The following DSTYK variants were observed in gnomAD, a reference collection of about 807,000 sequenced individuals.
The protein encoded by DSTYK is dual serine/threonine and tyrosine protein kinase.
DSTYK carries 34 observed loss-of-function variants against 98.7 expected under a neutral mutation model. The ratio of observed to expected loss-of-function variants is 0.34; its 90% CI spans 0.26 to 0.46. DSTYK has a LOEUF of 0.46. Ranked by LOEUF, DSTYK falls within the 20% of genes least tolerant of loss-of-function variation. The pLI is 1.00. For synonymous variants in DSTYK, 462 were observed against 457.3 expected (o/e 1.01, Z -0.13); for missense variants, 962 against 1,181.7 (o/e 0.81, Z 2.73).
chr1:205,157,408 A>G, intron 9 of DSTYK, 22 bp from the exon 10 acceptor site: 1 of 1,599,762 alleles, frequency 6.3e-7, no homozygotes. Flanking sequence ...AAAAGAGCTT[A>G]CTTGTCATGA....
intron 9 of DSTYK, among the ~76,000 whole-genome samples, chr1:205,159,094 T>C (rs146311408): frequency 6.6e-6 from 1 of 152,100 alleles, no homozygotes; most frequent in East Asian, 1.9e-4. Context: ...AAAATTTTTT[T>C]TTTTTATTTT....
chr1:205,159,907 T>C, intron 8 of DSTYK: 1 of 793,032 alleles, frequency 1.3e-6, no homozygotes, highest in Admixed American at 2.8e-5. Flanking sequence ...AAGAAGAAAG[T>C]TAAATGGAAT....
At chr1:205,200,959 G>A (rs963836534) in intron 1 of DSTYK, among the ~76,000 whole-genome samples, 2 of 151,834 alleles carry the variant, frequency 1.3e-5, no homozygotes, top group Non-Finnish European at 2.9e-5. Flanking sequence ...AGGCTGGAGT[G>A]CAATGGTGCA....
intron 2 of DSTYK, among the ~76,000 whole-genome samples, chr1:205,181,655 T>TG (rs1491523137): frequency 0.37 from 41,449 of 112,356 alleles, 7,424 homozygotes; most frequent in Non-Finnish European, 0.47. Context: ...GATGTTGGGG[T>TG]TTGTGTGTGT....
chr1:205,202,953 T>C (rs1659085965), intron 1 of DSTYK, among the ~76,000 whole-genome samples: 2 of 152,226 alleles, frequency 1.3e-5, no homozygotes, highest in South Asian at 4.2e-4. Flanking sequence ...TGGAGAAAGA[T>C]TCCCTGTTCT....
In DSTYK at chr1:205,211,486, C is replaced by G; in HGVS notation, c.50G>C (p.Gly17Ala). The change falls in exon 1 of 13, where the codon GGC (glycine) becomes GCC (alanine). Residue 17 changes from glycine to alanine, a missense_variant. Physicochemically the swap from Gly to Ala is moderately conservative, Grantham distance 60 (BLOSUM62 0). This residue lies in a region of DSTYK where 168 missense variants were observed against 120.0 expected (regional missense o/e 1.40). Transcript: ENST00000367162. Reference sequence around the variant, plus strand: ...GCGGATCATTCCGCCGCCGCCGGGGCCGGGACCCGAGACGGGCTCGCTGCC... The same window carrying G: ...GCGGATCATTCCGCCGCCGCCGGGGGCGGGACCCGAGACGGGCTCGCTGCC... ...PWGSEPVSGP[G>A]PGGGGMIREL... The G allele has an allele frequency of 6.3e-7, 1 of 1,582,878 alleles. No homozygotes were observed. The highest frequency in any genetic ancestry group is 1.1e-5 in the South Asian group (1 of 88,214).
At chr1:205,151,120 G>C (rs1315884053) in intron 10 of DSTYK, among the ~76,000 whole-genome samples, 5 of 152,174 alleles carry the variant, frequency 3.3e-5, no homozygotes. Context: ...AAAAGGTACA[G>C]TAAGAATATG....
At position 205,148,161 on chromosome 1, in the gene DSTYK, G is replaced by A. The variant is rs139452542; in HGVS notation, c.2602+44C>T. On this transcript the variant is annotated intron_variant, in intron 12 of 12. Transcript: ENST00000367162. ...GTGACATTGCCTGGGCTCAGTCTGCGCTAGCCAGGGGAGTTAGGACAAGGT... is the reference window on the plus strand; with the variant it reads ...GTGACATTGCCTGGGCTCAGTCTGCACTAGCCAGGGGAGTTAGGACAAGGT... The A allele has an allele frequency of 4.9e-4, 795 of 1,612,196 alleles. 7 individuals carry two copies. The East Asian group carries it at 0.014, about 29-fold the overall frequency.
rs746974333 is a variant in DSTYK at position 205,211,500 on chromosome 1, G to T, written c.36C>A (p.Pro12=). 59 of 1,574,252 alleles carry T rather than the reference G, an allele frequency of 3.7e-5. No individual in the cohort carries two copies. Among genetic ancestry groups the T allele is most frequent in the Middle Eastern group, 1.7e-4 (1 of 5,816 alleles). Residue 12 remains proline (P), a synonymous_variant, in exon 1 of 13, where the codon CCC becomes CCA. Transcript: ENST00000367162. ...CGCCGCCGGGGCCGGGACCCGAGAC[G>T]GGCTCGCTGCCCCATGGCACCCCGT... ...EGDGVPWGSE[P]VSGPGPGGGG... is the part of the protein sequence containing the mutation.
intron 2 of DSTYK, chr1:205,172,956 C>G (rs1179723593): frequency 1.3e-5 from 2 of 152,140 alleles, no homozygotes; most frequent in African/African-American, 4.8e-5. Flanking sequence ...GTCACACATG[C>G]TACAGTATGA....
Position 205,147,413 on chromosome 1 carries a change from C to A in DSTYK, c.*145G>T. 1.2e-6 allele frequency: 1 copy of A among 840,240 alleles called. No individual in the cohort carries two copies. The allele number at this position is 840,240 out of a possible 1,614,324, so 52.0% of individuals were successfully genotyped here. ...ACTCTTCACTGTCCAGGAGTCATCC[C>A]TGCCTGGGAAGGTTCCAAGTTTCCC... On this transcript the variant is annotated 3_prime_UTR_variant, in exon 13 of 13. Coordinates refer to ENST00000367162, the MANE Select transcript of DSTYK (RefSeq NM_015375.3).
In DSTYK at chr1:205,211,311, G is replaced by A. The variant is rs745525433; in HGVS notation, c.225C>T (p.Arg75=). 3.7e-6 allele frequency: 6 copies of A among 1,610,126 alleles called. No homozygotes were observed. The highest frequency in any genetic ancestry group is 4.2e-6 in the Non-Finnish European group (5 of 1,178,592). ...SSLTGGGGAE[R]GPAGDVAETG... ...TTTCGGCGACATCGCCTGCAGGGCC[G>A]CGCTCGGCCCCGCCGCCGCCCGTGA... is the stretch of plus-strand genomic sequence containing the variant. Residue 75 remains arginine, a synonymous_variant, in exon 1 of 13, where the codon CGC becomes CGT. Coordinates refer to ENST00000367162, the MANE Select transcript of DSTYK (RefSeq NM_015375.3).
intron 1 of DSTYK, among the ~76,000 whole-genome samples, chr1:205,192,601 C>T (rs151261167): frequency 0.056 from 8,515 of 152,070 alleles, 768 homozygotes; most frequent in African/African-American, 0.19. Context: ...GTGGTTCATG[C>T]CTGTAATCTC....
chr1:205,181,770 C>T (rs985718964), intron 2 of DSTYK, among the ~76,000 whole-genome samples: 1 of 151,378 alleles, frequency 6.6e-6, no homozygotes, highest in East Asian at 2.0e-4. Context: ...CAGCCTCGAC[C>T]TCCTGGGCTC....
intron 1 of DSTYK, among the ~76,000 whole-genome samples, chr1:205,210,258 T>C (rs1659332452): frequency 6.6e-6 from 1 of 152,150 alleles, no homozygotes; most frequent in Non-Finnish European, 1.5e-5. Context: ...CACACACCTA[T>C]TCAATAGGAA....
At position 205,187,598 on chromosome 1, in the gene DSTYK, C is replaced by A; in HGVS notation, c.474G>T (p.Gly158=). The A allele has an allele frequency of 6.2e-7, 1 of 1,614,162 alleles. No individual in the cohort carries two copies. Among genetic ancestry groups the A allele is most frequent in the Non-Finnish European group, 8.5e-7 (1 of 1,180,038 alleles). ...GCGCCAGGCTGACCCGAGTCTGAGT[C>A]CCATAGGTGAAGCGGAGGCGCCGAA... ...CKLRRLRFTY[G]TQTRVSLALP... is the part of the protein sequence containing the mutation. The change falls in exon 2 of 13, where the codon GGG becomes GGT. Residue 158 remains glycine (G), a synonymous_variant. Transcript: ENST00000367162.
intron 2 of DSTYK, among the ~76,000 whole-genome samples, chr1:205,186,643 T>C (rs1439541608): frequency 2.0e-5 from 3 of 152,220 alleles, no homozygotes; most frequent in African/African-American, 2.4e-5. Context: ...GACCCTGCCA[T>C]AGTCACATCC....
intron 10 of DSTYK, among the ~76,000 whole-genome samples, chr1:205,152,547 A>G (rs750382431): frequency 1.1e-4 from 17 of 152,304 alleles, no homozygotes; most frequent in Middle Eastern, 3.4e-3. Flanking sequence ...TGCGCAGTGC[A>G]TGACTGTACT....
chr1:205,181,363 G>GC (rs770849962), intron 2 of DSTYK, among the ~76,000 whole-genome samples: 105 of 151,602 alleles, frequency 6.9e-4, no homozygotes, highest in Non-Finnish European at 1.3e-3. Context: ...TGTTGGGTTT[G>GC]TTTTTTTTGA....
Sources: gnomAD v4.1 joint callset for allele counts (sites outside exome capture counted in the v4.1 genomes callset) on GRCh38, gnomAD v4.1.1 for gene constraint, gnomAD v4.1.1 regional missense constraint, MANE v1.5 for transcripts, NCBI Gene and HGNC (gene_info 2026-07-23, HGNC 2026-07-21) for gene names.